Variants in DNAH11 observed in about 807,000 individuals in gnomAD.
The protein encoded by DNAH11 is axonemal beta dynein heavy chain 11.
Under a neutral mutation model 526.0 loss-of-function variants are expected in DNAH11, and 442 were observed. The observed-to-expected ratio is 0.84, with a 90% confidence interval of 0.78 to 0.91. The LOEUF (loss-of-function observed/expected upper bound fraction) is 0.91, where lower values mean the gene tolerates loss of function less well. Ranked by LOEUF, DNAH11 falls within the 40% of genes least tolerant of loss-of-function variation. DNAH11 has a pLI of 0.00. For synonymous variants in DNAH11, 2,461 were observed against 1,935.9 expected, an observed-to-expected ratio of 1.27 and a Z score of -7.12; for missense variants, 6,989 against 5,448.7, an observed-to-expected ratio of 1.28 and a Z score of -8.90.
chr7:21,652,236 C>T (rs1222328661), intron 28 of DNAH11, among the ~76,000 whole-genome samples: 1 of 151,952 alleles, frequency 6.6e-6, no homozygotes, highest in East Asian at 1.9e-4. Flanking sequence ...TGAAGATGTA[C>T]CAGAGGAAGT....
At chr7:21,624,942 C>T (rs62447790) in intron 25 of DNAH11, among the ~76,000 whole-genome samples, 5,826 of 151,802 alleles carry the variant, frequency 0.038, 198 homozygotes, top group African/African-American at 0.089. Flanking sequence ...GTTTGCTAGA[C>T]TTTGCTGAGG....
intron 52 of DNAH11, among the ~76,000 whole-genome samples, 171 bp downstream of exon 52, chr7:21,748,913 A>G (rs1211911398): frequency 6.6e-6 from 1 of 152,172 alleles, no homozygotes; most frequent in East Asian, 1.9e-4. Flanking sequence ...TTTTGCCTTT[A>G]TGGTCAAATT....
chr7:21,866,070 A>G (rs1209386694), intron 70 of DNAH11, among the ~76,000 whole-genome samples: 2 of 151,984 alleles, frequency 1.3e-5, no homozygotes, highest in East Asian at 1.9e-4. Flanking sequence ...CCAACTTCCT[A>G]TCTCATCCTG....
intron 40 of DNAH11, among the ~76,000 whole-genome samples, chr7:21,709,278 T>C (rs989393035): frequency 1.8e-4 from 27 of 152,242 alleles, no homozygotes; most frequent in African/African-American, 5.8e-4. Flanking sequence ...TTCAGCAACA[T>C]GGATGTAGCT....
intron 45 of DNAH11, among the ~76,000 whole-genome samples, chr7:21,729,094 G>A (rs575860708): frequency 3.0e-4 from 45 of 152,340 alleles, no homozygotes; most frequent in Middle Eastern, 3.4e-3. Context: ...CTTTCGGGCC[G>A]GCCAGTGGTG....
intron 65 of DNAH11, among the ~76,000 whole-genome samples, chr7:21,824,073 A>G (rs933481846): frequency 6.6e-6 from 1 of 152,224 alleles, no homozygotes; most frequent in African/African-American, 2.4e-5. Flanking sequence ...ACACACAAAC[A>G]ATTGCTAAAC....
intron 35 of DNAH11, 88 bp from the exon 36 acceptor site, chr7:21,697,987 T>C: frequency 1.5e-6 from 2 of 1,340,084 alleles, no homozygotes; most frequent in East Asian, 2.5e-5. Context: ...ATGGTTAAAA[T>C]GTTGGTACGA....
chr7:21,747,221 T>G lies in DNAH11; in HGVS notation c.8511-1359T>G, dbSNP rs553247346. Reference sequence around the variant, plus strand: ...ATTTTATAGCTTTCCCCAAGGTTGTTTTGTTGTGTGGTCATGTGAAGTAAA... The same window carrying G: ...ATTTTATAGCTTTCCCCAAGGTTGTGTTGTTGTGTGGTCATGTGAAGTAAA... On this transcript the variant is annotated intron_variant, in intron 51 of 81. Coordinates refer to ENST00000409508, the MANE Select transcript of DNAH11 (RefSeq NM_001277115.2). Among the ~76,000 whole-genome samples, 5 of 152,312 alleles carry G rather than the reference T, an allele frequency of 3.3e-5. No individual in the cohort carries two copies. The East Asian group carries it at 9.6e-4, about 29-fold the overall frequency.
At chr7:21,865,573 C>T (rs1583788880) in intron 70 of DNAH11, among the ~76,000 whole-genome samples, 1 of 152,116 alleles carries the variant, frequency 6.6e-6, no homozygotes, top group African/African-American at 2.4e-5. Context: ...TGGGAGAGAG[C>T]CAACCTTAGA....
intron 29 of DNAH11, 104 bp downstream of exon 29, chr7:21,656,085 C>T: frequency 7.5e-7 from 1 of 1,328,098 alleles, no homozygotes; most frequent in Non-Finnish European, 1.0e-6. Context: ...TCAAATCAGG[C>T]TCTGCTTAGT....
chr7:21,700,428 T>C (rs1255715027), intron 36 of DNAH11, among the ~76,000 whole-genome samples: 2 of 152,204 alleles, frequency 1.3e-5, no homozygotes, highest in Non-Finnish European at 2.9e-5. Context: ...GAAGATACTT[T>C]TAGCTATTTG....
Position 21,707,805 on chromosome 7 carries a change from A to G in DNAH11, c.6653A>G (p.His2218Arg), listed in dbSNP as rs368955749. Residue 2218 changes from histidine (H) to arginine (R), a missense_variant, in exon 40 of 82, where the codon CAT becomes CGT. His to Arg is a conservative substitution (Grantham distance 29). Coordinates refer to ENST00000409508, the MANE Select transcript of DNAH11 (RefSeq NM_001277115.2). ...VTTDELFGFIHHATREWKDGK... is the reference protein window; with the variant it reads ...VTTDELFGFIRHATREWKDGK... ...ACAGATGAACTCTTTGGTTTCATAC[A>G]TCATGCTACCCGAGAATGGAAAGAT... is the stretch of plus-strand genomic sequence containing the variant. The G allele has an allele frequency of 2.5e-6, 4 of 1,607,174 alleles. No individual in the cohort carries two copies. Among genetic ancestry groups the G allele is most frequent in the African/African-American group, 1.3e-5 (1 of 74,602 alleles).
intron 51 of DNAH11, among the ~76,000 whole-genome samples, chr7:21,747,904 G>C (rs1198636772): frequency 6.6e-6 from 1 of 152,172 alleles, no homozygotes; most frequent in Non-Finnish European, 1.5e-5. Context: ...CCTCATACTT[G>C]GGTGCTGATG....
intron 68 of DNAH11, among the ~76,000 whole-genome samples, chr7:21,858,419 A>C (rs1782934760): frequency 6.6e-6 from 1 of 152,254 alleles, no homozygotes. Flanking sequence ...AAGCTTAACA[A>C]ATGTTCATAG....
intron 61 of DNAH11, among the ~76,000 whole-genome samples, chr7:21,793,509 A>G (rs1450794449): frequency 2.0e-5 from 3 of 152,180 alleles, no homozygotes; most frequent in Non-Finnish European, 4.4e-5. Context: ...CCAGCTACTC[A>G]GAAGGCTGAG....
At chr7:21,606,338 AAG>A in intron 18 of DNAH11, 86 bp from the exon 19 acceptor site, 2 of 1,136,982 alleles carry the variant, frequency 1.8e-6, no homozygotes, top group Non-Finnish European at 1.3e-6. Flanking sequence ...AAAAAAAAAA[AAG>A]AAAGAAATTA....
intron 55 of DNAH11, among the ~76,000 whole-genome samples, chr7:21,772,582 C>T (rs1382819203): frequency 6.6e-6 from 1 of 152,004 alleles, no homozygotes. Context: ...TTTTATTTTT[C>T]TGAGTTCACT....
intron 44 of DNAH11, 22 bp downstream of exon 44, chr7:21,720,878 AGG>A: frequency 6.2e-7 from 1 of 1,607,126 alleles, no homozygotes; most frequent in African/African-American, 1.3e-5. Flanking sequence ...AATAGTTTAC[AGG>A]ACCAGTTTCC....
intron 60 of DNAH11, 123 bp downstream of exon 60, chr7:21,787,706 C>G: frequency 1.3e-6 from 1 of 757,842 alleles, no homozygotes. Context: ...ATATGTAGTT[C>G]TAAGACTAAG....
Sources: gnomAD v4.1 joint callset for allele counts (sites outside exome capture counted in the v4.1 genomes callset) on GRCh38, gnomAD v4.1.1 for gene constraint, MANE v1.5 for transcripts, NCBI Gene and HGNC (gene_info 2026-07-23, HGNC 2026-07-21) for gene names.